The following TBC1D19 variants were observed in gnomAD, a reference collection of about 807,000 sequenced individuals.
The protein encoded by TBC1D19 is TBC1 domain family member 19.
A neutral mutation model predicts 89.0 loss-of-function variants in TBC1D19; 60 were observed. The ratio of observed to expected loss-of-function variants is 0.67; its 90% CI spans 0.55 to 0.84. TBC1D19 has a LOEUF of 0.84. Among genes scored for constraint, TBC1D19 ranks in the 40% least tolerant of loss-of-function variants. The probability of loss-of-function intolerance (pLI) is 0.00; values close to 1 mark genes in which losing one functional copy is unlikely to be tolerated. For synonymous variants in TBC1D19, 189 were observed against 199.7 expected (o/e 0.95, Z 0.45); for missense variants, 500 against 610.8 (o/e 0.82, Z 1.91).
At chr4:26,734,070 C>G (rs995082604) in intron 15 of TBC1D19, among the ~76,000 whole-genome samples, 3 of 152,142 alleles carry the variant, frequency 2.0e-5, no homozygotes, top group African/African-American at 7.2e-5. Flanking sequence ...TGAACATTTT[C>G]ACATAGAAGA....
intron 11 of TBC1D19, among the ~76,000 whole-genome samples, chr4:26,681,720 C>A (rs892521083): frequency 6.6e-6 from 1 of 152,084 alleles, no homozygotes; most frequent in Admixed American, 6.5e-5. Context: ...TGTGACAAAT[C>A]TATACCACAG....
At chr4:26,613,493 C>T (rs940703443) in intron 2 of TBC1D19, among the ~76,000 whole-genome samples, 6 of 152,136 alleles carry the variant, frequency 3.9e-5, no homozygotes, top group African/African-American at 7.2e-5. Flanking sequence ...ACTGTATTCT[C>T]TCTCTTGGAT....
At chr4:26,734,005 C>G (rs890104229) in intron 15 of TBC1D19, among the ~76,000 whole-genome samples, 10 of 152,138 alleles carry the variant, frequency 6.6e-5, no homozygotes, top group African/African-American at 2.4e-4. Flanking sequence ...AGTCTTGGAG[C>G]AAGAAATCCT....
chr4:26,772,537 G>A, the TBC1D19 span, among the ~76,000 whole-genome samples: 1 of 151,998 alleles, frequency 6.6e-6, no homozygotes, highest in Non-Finnish European at 1.5e-5. Flanking sequence ...CGTCTGCCAT[G>A]GTGGTTTGCT....
intron 15 of TBC1D19, among the ~76,000 whole-genome samples, chr4:26,729,976 T>G (rs1183497628): frequency 6.6e-6 from 1 of 152,218 alleles, no homozygotes; most frequent in Non-Finnish European, 1.5e-5. Flanking sequence ...AACTTTTTCA[T>G]GGTCTCATTA....
intron 15 of TBC1D19, among the ~76,000 whole-genome samples, chr4:26,725,590 T>C (rs1418821770): frequency 6.6e-6 from 1 of 151,880 alleles, no homozygotes; most frequent in Non-Finnish European, 1.5e-5. Flanking sequence ...TTTTTTGTAT[T>C]TTTCATATAG....
intron 15 of TBC1D19, among the ~76,000 whole-genome samples, chr4:26,721,762 A>T (rs1420110533): frequency 6.6e-6 from 1 of 152,036 alleles, no homozygotes; most frequent in African/African-American, 2.4e-5. Context: ...TTCCCATCTC[A>T]TTTTTAATTA....
intron 13 of TBC1D19, among the ~76,000 whole-genome samples, chr4:26,693,657 T>C (rs1382253291): frequency 6.6e-6 from 1 of 151,104 alleles, no homozygotes; most frequent in Non-Finnish European, 1.5e-5. Context: ...GTTATGCCAT[T>C]ACACTCCAGC....
the TBC1D19 span, among the ~76,000 whole-genome samples, chr4:26,835,458 A>G: frequency 6.6e-6 from 1 of 152,228 alleles, no homozygotes; most frequent in Non-Finnish European, 1.5e-5. Context: ...CAGCAGCAAT[A>G]AGAAATGAGT....
At chr4:26,577,416 C>A (rs753200785) in intron 1 of TBC1D19, among the ~76,000 whole-genome samples, 1 of 152,118 alleles carries the variant, frequency 6.6e-6, no homozygotes, top group Non-Finnish European at 1.5e-5. Context: ...GCTTGGAGGA[C>A]TCTGCTGGTC....
intron 1 of TBC1D19, among the ~76,000 whole-genome samples, chr4:26,605,227 C>G (rs1276282858): frequency 7.7e-6 from 1 of 129,982 alleles, no homozygotes; most frequent in South Asian, 3.0e-4. Flanking sequence ...CAACAGTCCC[C>G]GGAGTGTGAT....
At chr4:26,664,314 G>C (rs1348735734) in intron 8 of TBC1D19, among the ~76,000 whole-genome samples, 1 of 152,114 alleles carries the variant, frequency 6.6e-6, no homozygotes, top group Non-Finnish European at 1.5e-5. Context: ...GTCCATGTCT[G>C]CTGACATTGA....
At chr4:26,804,305 C>A in the TBC1D19 span, among the ~76,000 whole-genome samples, 51 of 152,230 alleles carry the variant, frequency 3.4e-4, no homozygotes, top group Non-Finnish European at 1.0e-4. Context: ...ACCACCACAT[C>A]CGGCTAATTT....
At chr4:26,835,417 G>A in the TBC1D19 span, among the ~76,000 whole-genome samples, 1,203 of 152,300 alleles carry the variant, frequency 7.9e-3, 13 homozygotes, top group African/African-American at 0.027. Context: ...ATAAATTTCT[G>A]TTAAGTCACT....
At chr4:26,825,362 G>GC in the TBC1D19 span, among the ~76,000 whole-genome samples, 77 of 152,338 alleles carry the variant, frequency 5.1e-4, 1 homozygote, top group East Asian at 0.013. Context: ...CTCCCAAAGT[G>GC]CTGGGATTAC....
chr4:26,779,716 G>C, the TBC1D19 span, among the ~76,000 whole-genome samples: 1 of 152,226 alleles, frequency 6.6e-6, no homozygotes, highest in Admixed American at 6.5e-5. Flanking sequence ...GATATGGCAT[G>C]ATGGAACTTG....
At chr4:26,740,919 G>A (rs1452450338) in intron 17 of TBC1D19, 1 of 985,252 alleles carries the variant, frequency 1.0e-6, no homozygotes, top group Non-Finnish European at 1.2e-6. Context: ...GCAAATCACA[G>A]AATTCCAGGA....
the TBC1D19 span, among the ~76,000 whole-genome samples, chr4:26,785,062 G>A: frequency 6.6e-6 from 1 of 152,128 alleles, no homozygotes; most frequent in African/African-American, 2.4e-5. Flanking sequence ...TAAAACTGAG[G>A]CTCAGAGTGG....
At chr4:26,810,149 C>T in the TBC1D19 span, among the ~76,000 whole-genome samples, 1 of 152,196 alleles carries the variant, frequency 6.6e-6, no homozygotes, top group African/African-American at 2.4e-5. Context: ...TGAAGCATGT[C>T]TTACAGTTTT....
Sources: gnomAD v4.1 joint callset for allele counts (sites outside exome capture counted in the v4.1 genomes callset) on GRCh38, gnomAD v4.1.1 for gene constraint, MANE v1.5 for transcripts, NCBI Gene and HGNC (gene_info 2026-07-23, HGNC 2026-07-21) for gene names.